RSF1: variants seen among roughly 807,000 people sequenced by gnomAD.
RSF1 encodes the protein HBV pX-associated protein 8.
RSF1 carries 13 observed loss-of-function variants against 145.2 expected under a neutral mutation model. That is an observed-to-expected ratio of 0.09 (90% confidence interval 0.06 to 0.14). RSF1 has a LOEUF of 0.14. Ranked by LOEUF, RSF1 falls within the 10% of genes least tolerant of loss-of-function variation. The pLI is 1.00. For missense variants in RSF1, 1,517 were observed against 1,718.2 expected (o/e 0.88, Z 2.07); for synonymous variants, 577 against 592.6 (o/e 0.97, Z 0.38).
chr11:77,674,567 A>G (rs1215145320), intron 14 of RSF1, among the ~76,000 whole-genome samples: 1 of 152,236 alleles, frequency 6.6e-6, no homozygotes, highest in Non-Finnish European at 1.5e-5. Context: ...AGTCATCACA[A>G]TCCTACTAGG....
the RSF1 span, among the ~76,000 whole-genome samples, chr11:77,852,494 G>T: frequency 1.3e-5 from 2 of 152,030 alleles, no homozygotes; most frequent in East Asian, 3.9e-4. Flanking sequence ...CAGCAAGAGA[G>T]ATATCCACAT....
At chr11:77,823,437 A>C (rs1465638667), upstream of RSF1, among the ~76,000 whole-genome samples, 1 of 151,670 alleles carries the variant, frequency 6.6e-6, no homozygotes, top group East Asian at 1.9e-4. Flanking sequence ...ACTCCAGTTT[A>C]AAAATAATCT....
chr11:77,813,825 A>ACG, intron 1 of RSF1: 1 of 135,408 alleles, frequency 7.4e-6, no homozygotes, highest in Non-Finnish European at 1.3e-5. Flanking sequence ...AAAAGGACAC[A>ACG]CACACACACA....
intron 1 of RSF1, among the ~76,000 whole-genome samples, chr11:77,810,776 A>C (rs1028020880): frequency 1.3e-5 from 2 of 152,162 alleles, no homozygotes; most frequent in Non-Finnish European, 2.9e-5. Context: ...CGAGGCTGGA[A>C]ATTTGTATTA....
At chr11:77,738,186 A>G (rs1961414002) in intron 4 of RSF1, among the ~76,000 whole-genome samples, 1 of 152,196 alleles carries the variant, frequency 6.6e-6, no homozygotes, top group African/African-American at 2.4e-5. Context: ...AAAAAGAGAA[A>G]AGGTTTATTG....
the RSF1 span, among the ~76,000 whole-genome samples, chr11:77,866,251 T>C: frequency 1.3e-5 from 2 of 152,322 alleles, no homozygotes; most frequent in South Asian, 2.1e-4. Context: ...CTGGACATTT[T>C]TCCACAATTA....
chr11:77,839,734 G>T, the RSF1 span, among the ~76,000 whole-genome samples: 2 of 151,948 alleles, frequency 1.3e-5, no homozygotes, highest in South Asian at 4.1e-4. Context: ...AAACTGAACA[G>T]CACATGTTCT....
intron 4 of RSF1, among the ~76,000 whole-genome samples, chr11:77,727,050 T>C (rs1355239735): frequency 6.6e-6 from 1 of 152,230 alleles, no homozygotes; most frequent in East Asian, 1.9e-4. Context: ...TACATGTTCA[T>C]ACATATCATA....
the RSF1 span, among the ~76,000 whole-genome samples, chr11:77,829,423 T>C: frequency 6.6e-6 from 1 of 152,222 alleles, no homozygotes; most frequent in Non-Finnish European, 1.5e-5. Flanking sequence ...TTTGGGTCAA[T>C]GGAACAGAAT....
Position 77,666,023 on chromosome 11 carries a change from T to A in RSF1, c.*894A>T, listed in dbSNP as rs911610582. ...ATATTTCAGATATTTAAACATCAAG[T>A]GGCCAGAAGACAAGAGTTATACTAT... is the stretch of plus-strand genomic sequence containing the variant. On this transcript the variant is annotated 3_prime_UTR_variant, in exon 16 of 16. Coordinates refer to ENST00000308488, the MANE Select transcript of RSF1 (RefSeq NM_016578.4). 3.9e-5 allele frequency: 6 copies of A among 152,208 alleles called. No homozygotes were observed. The East Asian group carries it at 1.2e-3, about 29-fold the overall frequency. The allele number at this position is 152,208 out of a possible 1,614,324, so 9.4% of individuals were successfully genotyped here. A position where few individuals can be genotyped will look rare whatever the true frequency, so the allele number is the denominator to read the frequency against.
chr11:77,826,280 T>G, the RSF1 span, among the ~76,000 whole-genome samples: 10 of 151,796 alleles, frequency 6.6e-5, no homozygotes, highest in Admixed American at 6.6e-4. Flanking sequence ...GAGAATCACT[T>G]GAACCCAGGA....
chr11:77,682,366 T>A (rs952090020), intron 11 of RSF1, among the ~76,000 whole-genome samples: 2 of 152,222 alleles, frequency 1.3e-5, no homozygotes, highest in African/African-American at 4.8e-5. Context: ...AAAAAACTGA[T>A]TTGGTGTTAT....
rs543236647 is a variant in RSF1, at chr11:77,798,581, TAAAAAAAAAAAAAAAAAAA to T, written c.187+21928_187+21946del. On this transcript the variant is annotated intron_variant, in intron 1 of 15. Coordinates refer to ENST00000308488, the MANE Select transcript of RSF1 (RefSeq NM_016578.4). ...GCATGACAGGAACGAGACTCCATCT[TAAAAAAAAAAAAAAAAAAA>T]AAAAAAAAAAAAAAAAAAAAAAGGC... is the stretch of plus-strand genomic sequence containing the variant. Among the ~76,000 whole-genome samples, 118 of 24,492 alleles carry T rather than the reference TAAAAAAAAAAAAAAAAAAA, an allele frequency of 4.8e-3. 1 individual carries two copies. Among genetic ancestry groups the T allele is most frequent in the East Asian group, 0.038 (28 of 732 alleles). The allele number at this position is 24,492 out of a possible 152,430, so 16.1% of individuals were successfully genotyped here.
chr11:77,778,207 A>AT (rs1948366265), intron 1 of RSF1, among the ~76,000 whole-genome samples: 1 of 15,870 alleles, frequency 6.3e-5, no homozygotes, highest in African/African-American at 2.7e-4. Context: ...GGAAGGGGAG[A>AT]GGATGGGGAG....
chr11:77,689,742 G>A (rs1047518912), intron 9 of RSF1, among the ~76,000 whole-genome samples: 24 of 152,152 alleles, frequency 1.6e-4, no homozygotes, highest in Admixed American at 4.6e-4. Context: ...TTGGTATACA[G>A]TAGGTGAAAA....
At chr11:77,714,607 C>T (rs531198948) in intron 5 of RSF1, among the ~76,000 whole-genome samples, 4 of 152,212 alleles carry the variant, frequency 2.6e-5, no homozygotes, top group Non-Finnish European at 4.4e-5. Flanking sequence ...TTTGGGAGGC[C>T]GAGACAGGCA....
intron 1 of RSF1, among the ~76,000 whole-genome samples, chr11:77,780,824 C>CAAAAAAA (rs33925149): frequency 1.6e-5 from 2 of 127,854 alleles, no homozygotes; most frequent in African/African-American, 5.8e-5. Context: ...GACTCCGTCT[C>CAAAAAAA]AAAAAAAAAA....
At chr11:77,762,033 T>TC (rs543266605) in intron 2 of RSF1, 21,181 of 119,076 alleles carry the variant, frequency 0.18, 2,440 homozygotes, top group Non-Finnish European at 0.24. Context: ...TTTTCTTTTT[T>TC]TTTTTTTTTT....
intron 5 of RSF1, among the ~76,000 whole-genome samples, chr11:77,705,263 T>C (rs1247543341): frequency 6.6e-6 from 1 of 152,136 alleles, no homozygotes; most frequent in Non-Finnish European, 1.5e-5. Context: ...ATAAATGAGT[T>C]TAAAAGGCAT....
Sources: allele counts gnomAD v4.1 joint callset (sites outside exome capture counted in the v4.1 genomes callset), GRCh38; gene constraint gnomAD v4.1.1; transcripts MANE v1.5; gene names NCBI Gene and HGNC (gene_info 2026-07-23, HGNC 2026-07-21).